The following NKAIN2 variants were observed in gnomAD, a reference collection of about 807,000 sequenced individuals.
NKAIN2 encodes sodium/potassium-transporting ATPase subunit beta-1-interacting protein 2.
Under a neutral mutation model 32.6 loss-of-function variants are expected in NKAIN2, and 14 were observed. The ratio of observed to expected loss-of-function variants is 0.43; its 90% CI spans 0.28 to 0.67. The LOEUF (loss-of-function observed/expected upper bound fraction) is 0.67, where lower values mean the gene tolerates loss of function less well. Ranked by LOEUF, NKAIN2 falls within the 30% of genes least tolerant of loss-of-function variation. The pLI is 0.17. For missense variants in NKAIN2, 198 were observed against 258.3 expected (o/e 0.77, Z 1.60); for synonymous variants, 80 against 87.2 (o/e 0.92, Z 0.46).
chr6:124,293,177 T>C (rs753794070), intron 2 of NKAIN2, among the ~76,000 whole-genome samples: 2 of 152,146 alleles, frequency 1.3e-5, no homozygotes, highest in Middle Eastern at 3.2e-3. Context: ...TAGCTAATAA[T>C]ATTTTATTAC....
chr6:124,683,759 A>T (rs926455560), intron 4 of NKAIN2, among the ~76,000 whole-genome samples: 1 of 152,198 alleles, frequency 6.6e-6, no homozygotes, highest in Non-Finnish European at 1.5e-5. Flanking sequence ...ATGCAGAGAC[A>T]AAAGGGGCAG....
intron 3 of NKAIN2, among the ~76,000 whole-genome samples, chr6:124,652,132 T>C (rs1447617888): frequency 6.6e-6 from 1 of 152,226 alleles, no homozygotes; most frequent in East Asian, 1.9e-4. Context: ...TCCTGGATCA[T>C]CACTCTTAAA....
rs562096846 is a variant in NKAIN2 at position 124,727,320 on chromosome 6, AC to A, written c.475-64016del. On this transcript the variant is annotated intron_variant, in intron 4 of 6. Transcript: ENST00000368417. The stretch of plus-strand genomic sequence containing the variant: ...GGAAGCCAGAGAGAAAGGTCGGGTT[AC>A]CCTCAAAGGGAAGCCCATCAGACTA... Among the ~76,000 whole-genome samples the A allele has an allele frequency of 7.5e-3, 1,148 of 152,318 alleles. 10 individuals are homozygous for A. The highest frequency in any genetic ancestry group is 0.013 in the Non-Finnish European group (913 of 68,032).
chr6:124,468,762 T>G (rs1776859000), intron 3 of NKAIN2, among the ~76,000 whole-genome samples: 1 of 152,186 alleles, frequency 6.6e-6, no homozygotes, highest in Non-Finnish European at 1.5e-5. Context: ...AAGTTGCTGT[T>G]GCAGAGTGGA....
intron 1 of NKAIN2, among the ~76,000 whole-genome samples, chr6:124,176,360 C>T (rs1789157018): frequency 6.6e-6 from 1 of 152,106 alleles, no homozygotes; most frequent in Non-Finnish European, 1.5e-5. Context: ...TAGCTAGTCT[C>T]TAATAACTAG....
chr6:124,386,309 C>T (rs1433906022), intron 3 of NKAIN2, among the ~76,000 whole-genome samples: 2 of 152,082 alleles, frequency 1.3e-5, no homozygotes, highest in Non-Finnish European at 1.5e-5. Flanking sequence ...TGTTATCATT[C>T]AATAGCTTTC....
chr6:123,936,415 A>G (rs1776512587), intron 1 of NKAIN2, among the ~76,000 whole-genome samples: 1 of 152,202 alleles, frequency 6.6e-6, no homozygotes, highest in African/African-American at 2.4e-5. Context: ...AATGCATAAT[A>G]CATTTTAAGA....
intron 3 of NKAIN2, among the ~76,000 whole-genome samples, chr6:124,636,946 A>G (rs1056998947): frequency 6.6e-6 from 1 of 152,086 alleles, no homozygotes; most frequent in Non-Finnish European, 1.5e-5. Flanking sequence ...ATGTTCATCT[A>G]TGCATTTATG....
intron 1 of NKAIN2, among the ~76,000 whole-genome samples, chr6:123,999,103 G>T (rs1779769705): frequency 6.6e-6 from 1 of 151,906 alleles, no homozygotes; most frequent in South Asian, 2.1e-4. Context: ...GAAACTAAAC[G>T]ACCCCAGGGA....
intron 3 of NKAIN2, among the ~76,000 whole-genome samples, chr6:124,546,308 A>T (rs1235083722): frequency 6.6e-6 from 1 of 152,110 alleles, no homozygotes; most frequent in African/African-American, 2.4e-5. Flanking sequence ...GTTGCTGGTG[A>T]CATGCTCCAT....
At chr6:123,879,383 G>C (rs1439689217) in intron 1 of NKAIN2, among the ~76,000 whole-genome samples, 2 of 152,138 alleles carry the variant, frequency 1.3e-5, no homozygotes, top group Non-Finnish European at 2.9e-5. Flanking sequence ...TGTATGTCCT[G>C]GCCCACCCCA....
At chr6:124,756,167 C>A (rs1044598280) in intron 4 of NKAIN2, among the ~76,000 whole-genome samples, 1 of 152,084 alleles carries the variant, frequency 6.6e-6, no homozygotes, top group Non-Finnish European at 1.5e-5. Context: ...AAATGAACAA[C>A]GGTTTAGGTG....
At chr6:124,760,702 A>G (rs1236676956) in intron 4 of NKAIN2, among the ~76,000 whole-genome samples, 2 of 151,994 alleles carry the variant, frequency 1.3e-5, no homozygotes, top group African/African-American at 4.8e-5. Flanking sequence ...TATTAGGATA[A>G]GTTCATATTA....
chr6:124,283,218 T>G lies in NKAIN2; in HGVS notation c.192+76T>G, dbSNP rs572328799. On this transcript the variant is annotated intron_variant, in intron 2 of 6. Coordinates refer to ENST00000368417, the MANE Select transcript of NKAIN2 (RefSeq NM_001040214.3). ...TGCAAACTCCAAATGCCTTGAAAAC[T>G]TATGTGTATAATCTATCTTAAAGAT... 4 of 988,630 alleles carry G rather than the reference T, an allele frequency of 4.0e-6. No homozygotes were observed. The South Asian group carries it at 4.1e-5, about 10-fold the overall frequency. The allele number at this position is 988,630 out of a possible 1,614,324, so 61.2% of individuals were successfully genotyped here. A position where few individuals can be genotyped will look rare whatever the true frequency, so the allele number is the denominator to read the frequency against.
At chr6:124,488,489 G>T (rs1322882658) in intron 3 of NKAIN2, among the ~76,000 whole-genome samples, 8 of 152,028 alleles carry the variant, frequency 5.3e-5, no homozygotes, top group Admixed American at 4.6e-4. Context: ...CTATGTTTGA[G>T]ATTATCCACC....
intron 1 of NKAIN2, among the ~76,000 whole-genome samples, chr6:124,038,202 G>C (rs1025966660): frequency 1.3e-5 from 2 of 151,800 alleles, no homozygotes; most frequent in African/African-American, 4.8e-5. Context: ...AATATGGTGC[G>C]TGATTTAGTG....
intron 1 of NKAIN2, among the ~76,000 whole-genome samples, chr6:123,900,099 G>T (rs1774486333): frequency 6.6e-6 from 1 of 152,142 alleles, no homozygotes; most frequent in Admixed American, 6.5e-5. Context: ...TTCACCCGTT[G>T]TACACCAAAG....
intron 1 of NKAIN2, among the ~76,000 whole-genome samples, chr6:124,204,566 C>T (rs980108858): frequency 8.6e-5 from 13 of 151,650 alleles, no homozygotes; most frequent in South Asian, 2.1e-4. Flanking sequence ...TTTATTTGGA[C>T]GGTTAAGTGG....
At chr6:124,186,063 C>T (rs561163698) in intron 1 of NKAIN2, among the ~76,000 whole-genome samples, 2 of 147,994 alleles carry the variant, frequency 1.4e-5, no homozygotes, top group East Asian at 2.1e-4. Flanking sequence ...AGAAGGATTA[C>T]TTGAGGCCAG....
Sources: allele counts gnomAD v4.1 joint callset (sites outside exome capture counted in the v4.1 genomes callset), GRCh38; gene constraint gnomAD v4.1.1; transcripts MANE v1.5; gene names NCBI Gene and HGNC (gene_info 2026-07-23, HGNC 2026-07-21).